Variants in DPYD observed in about 807,000 individuals in gnomAD.
DPYD encodes dihydropyrimidine dehydrogenase [NADP(+)].
DPYD carries 109 observed loss-of-function variants against 116.2 expected under a neutral mutation model. The observed-to-expected ratio is 0.94, with a 90% CI of 0.80 to 1.10. The LOEUF (loss-of-function observed/expected upper bound fraction) is 1.10, where lower values mean the gene tolerates loss of function less well. DPYD is among the 50% of genes least tolerant of loss of function. The pLI, the probability that DPYD is intolerant of heterozygous loss-of-function variation, is 0.00. For missense variants in DPYD, 1,302 were observed against 1,254.5 expected, an observed-to-expected ratio of 1.04 and a Z score of -0.57; for synonymous variants, 440 against 432.0, an observed-to-expected ratio of 1.02 and a Z score of -0.23.
At chr1:97,633,379 G>GGGTA (rs1220754202) in intron 8 of DPYD, among the ~76,000 whole-genome samples, 1 of 152,070 alleles carries the variant, frequency 6.6e-6, no homozygotes, top group Non-Finnish European at 1.5e-5. Flanking sequence ...CCTGGGCCTA[G>GGGTA]GGTAGTATTA....
intron 20 of DPYD, among the ~76,000 whole-genome samples, chr1:97,142,114 G>A (rs1262022857): frequency 6.6e-6 from 1 of 152,142 alleles, no homozygotes; most frequent in Non-Finnish European, 1.5e-5. Flanking sequence ...CCCATAGAAT[G>A]CAGAGAGAAT....
chr1:97,284,480 A>T (rs1025333808), intron 18 of DPYD, among the ~76,000 whole-genome samples: 2 of 152,100 alleles, frequency 1.3e-5, no homozygotes, highest in Admixed American at 6.6e-5. Flanking sequence ...TCATAATATT[A>T]AGCCATCTTT....
intron 15 of DPYD, among the ~76,000 whole-genome samples, chr1:97,378,009 TCTTAA>T (rs1001491451): frequency 4.7e-4 from 72 of 152,212 alleles, no homozygotes; most frequent in African/African-American, 1.6e-3. Flanking sequence ...TTGGATTCCC[TCTTAA>T]CTTCTTCTGT....
intron 8 of DPYD, among the ~76,000 whole-genome samples, chr1:97,672,926 G>A (rs997873910): frequency 6.6e-6 from 1 of 151,746 alleles, no homozygotes; most frequent in African/African-American, 2.4e-5. Flanking sequence ...ATTTTCTGAT[G>A]GTAACTAAAA....
chr1:97,468,133 T>TA (rs1677433081), intron 13 of DPYD, among the ~76,000 whole-genome samples: 2 of 152,210 alleles, frequency 1.3e-5, no homozygotes, highest in African/African-American at 4.8e-5. Flanking sequence ...TATGTTCCAA[T>TA]AAAAAATTAT....
intron 3 of DPYD, among the ~76,000 whole-genome samples, chr1:97,752,298 AC>A: frequency 6.6e-6 from 1 of 150,588 alleles, no homozygotes; most frequent in Non-Finnish European, 1.5e-5. Context: ...CTTCACACAC[AC>A]ACACACACAC....
intron 18 of DPYD, among the ~76,000 whole-genome samples, chr1:97,267,035 GTA>G (rs1459082322): frequency 6.6e-6 from 1 of 152,082 alleles, no homozygotes; most frequent in East Asian, 1.9e-4. Flanking sequence ...AATCCTTTGG[GTA>G]TATACCCCGT....
At position 97,082,407 on chromosome 1, in the gene DPYD, C is replaced by G. The variant is rs755428442; in HGVS notation, c.2830G>C (p.Val944Leu). 1.9e-6 allele frequency: 3 copies of G among 1,613,604 alleles called. No homozygotes were observed. The African/African-American group carries it at 4.0e-5, about 22-fold the overall frequency. The part of the protein sequence containing the change: ...TFGELSNVEQ[V>L]VAMIDEEMCI... The stretch of plus-strand genomic sequence containing the variant: ...ATTTCTTCATCAATCATAGCCACAA[C>G]TTGCTCTACGTTGCTCAATTCACCA... Residue 944 changes from valine (V) to leucine (L), a missense_variant, in exon 22 of 23, where the codon GTT (valine) becomes CTT (leucine). By Grantham distance (32) the Val-to-Leu change is conservative (BLOSUM62 1). Transcript: ENST00000370192.
chr1:97,206,672 ATATATATATATATAT>A (rs1557938222), intron 19 of DPYD, among the ~76,000 whole-genome samples: 1,438 of 103,194 alleles, frequency 0.014, 83 homozygotes, highest in African/African-American at 0.051. Flanking sequence ...ATATATATAT[ATATATATATATATAT>A]AATCTATATG....
chr1:97,153,017 G>A (rs892154156), intron 20 of DPYD, among the ~76,000 whole-genome samples: 3 of 152,024 alleles, frequency 2.0e-5, no homozygotes, highest in Non-Finnish European at 4.4e-5. Flanking sequence ...GGGCTCTATG[G>A]AGAAGCCTTC....
At chr1:97,446,785 A>T (rs1177471153) in intron 14 of DPYD, among the ~76,000 whole-genome samples, 1 of 152,138 alleles carries the variant, frequency 6.6e-6, no homozygotes, top group Non-Finnish European at 1.5e-5. Flanking sequence ...AGGCGTTTGC[A>T]TTGAGAATAA....
intron 8 of DPYD, among the ~76,000 whole-genome samples, chr1:97,622,780 C>T (rs903346602): frequency 6.6e-6 from 1 of 151,864 alleles, no homozygotes; most frequent in Admixed American, 6.6e-5. Context: ...GACTAAGTTG[C>T]ATGAAGTATG....
chr1:97,746,071 T>G (rs1179016653), intron 3 of DPYD, among the ~76,000 whole-genome samples: 1 of 152,062 alleles, frequency 6.6e-6, no homozygotes, highest in Non-Finnish European at 1.5e-5. Flanking sequence ...ATGAAAAGGT[T>G]GGAGTTTTAC....
At chr1:97,743,680 G>T (rs1235247128) in intron 3 of DPYD, among the ~76,000 whole-genome samples, 2 of 152,040 alleles carry the variant, frequency 1.3e-5, no homozygotes, top group South Asian at 2.1e-4. Context: ...TACCTAAATT[G>T]CTTTAAATGA....
intron 8 of DPYD, among the ~76,000 whole-genome samples, chr1:97,657,506 G>A (rs1016690287): frequency 2.0e-5 from 3 of 152,044 alleles, no homozygotes; most frequent in Non-Finnish European, 4.4e-5. Flanking sequence ...GTAATATAAA[G>A]CAAATTATTT....
intron 12 of DPYD, among the ~76,000 whole-genome samples, chr1:97,521,052 CT>C (rs1358901682): frequency 1.3e-5 from 2 of 152,196 alleles, no homozygotes; most frequent in Non-Finnish European, 2.9e-5. Context: ...AATCACCACA[CT>C]GTCTTCCACA....
intron 11 of DPYD, among the ~76,000 whole-genome samples, chr1:97,567,556 T>A (rs998751270): frequency 6.6e-6 from 1 of 152,124 alleles, no homozygotes; most frequent in African/African-American, 2.4e-5. Context: ...CTGAGCTCAG[T>A]CACCTTGTCT....
At chr1:97,561,105 C>T (rs1033399129) in intron 11 of DPYD, among the ~76,000 whole-genome samples, 1 of 152,118 alleles carries the variant, frequency 6.6e-6, no homozygotes, top group Non-Finnish European at 1.5e-5. Context: ...AATAGGACAG[C>T]ATTTGTAGAT....
chr1:97,309,377 C>T (rs541548816), intron 16 of DPYD, among the ~76,000 whole-genome samples: 66 of 148,956 alleles, frequency 4.4e-4, no homozygotes, highest in Admixed American at 2.1e-3. Context: ...GCATGTTCTT[C>T]AATACCTGTT....
Sources: gnomAD v4.1 joint callset for allele counts (sites outside exome capture counted in the v4.1 genomes callset) on GRCh38, gnomAD v4.1.1 for gene constraint, MANE v1.5 for transcripts, NCBI Gene and HGNC (gene_info 2026-07-23, HGNC 2026-07-21) for gene names.